IQSEC1: variants seen among roughly 807,000 people sequenced by gnomAD.
IQSEC1 encodes IQ motif and SEC7 domain-containing protein 1.
IQSEC1 carries 31 observed loss-of-function variants against 91.0 expected under a neutral mutation model. The observed-to-expected ratio is 0.34, with a 90% confidence interval of 0.26 to 0.46. IQSEC1 has a LOEUF of 0.46. IQSEC1 is among the 20% of genes least tolerant of loss of function. IQSEC1 has a pLI of 1.00. For missense variants in IQSEC1, 1,388 were observed against 1,575.6 expected (o/e 0.88, Z 2.02); for synonymous variants, 699 against 662.6 (o/e 1.05, Z -0.84).
upstream of IQSEC1, among the ~76,000 whole-genome samples, chr3:13,073,671 A>G (rs578116971): frequency 2.0e-4 from 31 of 152,316 alleles, no homozygotes; most frequent in South Asian, 5.0e-3. Flanking sequence ...CGCCGCGCGG[A>G]GCCTACGATG....
At chr3:13,203,193 ACT>A (rs1412318192) in intron 1 of IQSEC1, among the ~76,000 whole-genome samples, 35 of 141,628 alleles carry the variant, frequency 2.5e-4, no homozygotes, top group Non-Finnish European at 4.3e-4. Context: ...ACACACACAC[ACT>A]CTTATGCTCA....
intron 1 of IQSEC1, among the ~76,000 whole-genome samples, chr3:12,996,430 G>A (rs966475597): frequency 1.3e-5 from 2 of 152,262 alleles, no homozygotes; most frequent in Non-Finnish European, 1.5e-5. Flanking sequence ...ACCCTGCCTC[G>A]CTTCCAAGGC....
intron 2 of IQSEC1, among the ~76,000 whole-genome samples, chr3:13,133,527 T>A (rs1464452219): frequency 6.6e-6 from 1 of 152,166 alleles, no homozygotes; most frequent in African/African-American, 2.4e-5. Context: ...GGTCCTGAGG[T>A]CCAGGGCAGC....
chr3:13,254,937 C>T (rs1695260473), intron 1 of IQSEC1, among the ~76,000 whole-genome samples: 2 of 152,200 alleles, frequency 1.3e-5, no homozygotes, highest in African/African-American at 4.8e-5. Flanking sequence ...TTCCTGCTTC[C>T]CCAGCATCCT....
chr3:13,189,720 C>T (rs59029502), intron 1 of IQSEC1, among the ~76,000 whole-genome samples: 7,552 of 152,262 alleles, frequency 0.05, 226 homozygotes, highest in East Asian at 0.066. Context: ...CTTCCTGCCT[C>T]GCCACTCTAC....
chr3:12,968,331 G>A (rs1700738555), intron 1 of IQSEC1, among the ~76,000 whole-genome samples: 1 of 152,096 alleles, frequency 6.6e-6, no homozygotes, highest in African/African-American at 2.4e-5. Flanking sequence ...ATGGAAAGTT[G>A]CTTCTTTCTC....
At chr3:13,050,985 A>G (rs954492656) in intron 1 of IQSEC1, among the ~76,000 whole-genome samples, 4 of 152,186 alleles carry the variant, frequency 2.6e-5, no homozygotes, top group African/African-American at 9.7e-5. Flanking sequence ...CATTTTATGT[A>G]TGAGGGCACT....
chr3:13,033,182 G>GC (rs1703910779), intron 1 of IQSEC1, among the ~76,000 whole-genome samples: 2 of 152,154 alleles, frequency 1.3e-5, no homozygotes, highest in Non-Finnish European at 2.9e-5. Context: ...CCAAACACCA[G>GC]GCACATAAGC....
chr3:13,206,632 A>G (rs1390347288), intron 1 of IQSEC1, among the ~76,000 whole-genome samples: 1 of 152,222 alleles, frequency 6.6e-6, no homozygotes, highest in Non-Finnish European at 1.5e-5. Context: ...CTTTTTAAAA[A>G]TCGTATGCAT....
chr3:13,163,868 T>C (rs953532148), intron 2 of IQSEC1, among the ~76,000 whole-genome samples: 2 of 151,770 alleles, frequency 1.3e-5, no homozygotes, highest in Non-Finnish European at 2.9e-5. Flanking sequence ...TCTGCAGAGG[T>C]CACTCTAAAC....
chr3:12,924,795 G>GCAC lies in IQSEC1; in HGVS notation c.1569-56_1569-54dup. On this transcript the variant is annotated intron_variant, in intron 3 of 13. Transcript: ENST00000613206. This position sits in a 1 kb window ranked among gnomAD's most constrained non-coding sequence, Gnocchi z 6.3. Reference sequence around the variant, plus strand: ...TCCCAGCTGCCCGGCCACCAGCCAGGCACCTGGAGGGGATCTCCGCTCAGT... The same window carrying GCAC: ...TCCCAGCTGCCCGGCCACCAGCCAGGCACCACCTGGAGGGGATCTCCGCTCAGT... The GCAC allele has an allele frequency of 6.7e-7, 1 of 1,488,698 alleles. No individual in the cohort carries two copies. The highest frequency in any genetic ancestry group is 1.3e-5 in the South Asian group (1 of 75,856). The allele number at this position is 1,488,698 out of a possible 1,614,324, so 92.2% of individuals were successfully genotyped here. A position where few individuals can be genotyped will look rare whatever the true frequency, so the allele number is the denominator to read the frequency against.
At chr3:13,074,249 G>A (rs1474518572), upstream of IQSEC1, among the ~76,000 whole-genome samples, 1 of 152,196 alleles carries the variant, frequency 6.6e-6, no homozygotes, top group African/African-American at 2.4e-5. Context: ...GTGTGGCTGA[G>A]ACTCGGATGA....
intron 1 of IQSEC1, among the ~76,000 whole-genome samples, chr3:12,977,956 G>A (rs1176754654): frequency 6.6e-6 from 1 of 152,230 alleles, no homozygotes; most frequent in African/African-American, 2.4e-5. Context: ...GTGCATTCCT[G>A]AATGTGCTCA....
At chr3:12,974,700 A>G (rs1416760428) in intron 1 of IQSEC1, among the ~76,000 whole-genome samples, 1 of 152,208 alleles carries the variant, frequency 6.6e-6, no homozygotes, top group Non-Finnish European at 1.5e-5. Context: ...ACACACTGCT[A>G]TCACCCTTCC....
Position 12,979,063 on chromosome 3 carries a change from CTGTGAGGG to C in IQSEC1, c.24-37206_24-37199del, listed in dbSNP as rs1701332336. On this transcript the variant is annotated intron_variant, in intron 1 of 13. Transcript: ENST00000613206. The surrounding 1 kb of genome is among the most constrained non-coding windows in gnomAD (Gnocchi z 4.3). ...CAGTGGACCGAGCAGGAGCTTCATC[CTGTGAGGG>C]TGTAAGCAGGAGTGGGAGTGACCTG... Among the ~76,000 whole-genome samples the C allele has an allele frequency of 6.6e-6, 1 of 152,200 alleles. No homozygotes were observed. Among genetic ancestry groups the C allele is most frequent in the Non-Finnish European group, 1.5e-5 (1 of 68,034 alleles).
chr3:13,069,860 T>C (rs1359414607), intron 1 of IQSEC1, among the ~76,000 whole-genome samples: 2 of 152,212 alleles, frequency 1.3e-5, no homozygotes, highest in Non-Finnish European at 2.9e-5. Flanking sequence ...ACCTCAGGTG[T>C]TAGCAAGTTT....
chr3:13,243,812 A>G (rs1695063588), intron 1 of IQSEC1, among the ~76,000 whole-genome samples: 1 of 151,946 alleles, frequency 6.6e-6, no homozygotes, highest in Admixed American at 6.6e-5. Flanking sequence ...CGTATGGCAG[A>G]ATGGGAAGCA....
rs4684896 is a variant in IQSEC1 at position 13,016,910 on chromosome 3, G to T, written c.23+56082C>A. Among the ~76,000 whole-genome samples, 16 of 152,054 alleles carry T rather than the reference G, an allele frequency of 1.1e-4. No individual in the cohort carries two copies. In the South Asian group the frequency reaches 2.9e-3, roughly 28 times the overall value. ...GAACCCCTCCCCAGCCCTGGATCACGGCAAACCTACCTCCCGTCTCTATAG... is the reference window on the plus strand; with the variant it reads ...GAACCCCTCCCCAGCCCTGGATCACTGCAAACCTACCTCCCGTCTCTATAG... On this transcript the variant is annotated intron_variant, in intron 1 of 13. Coordinates refer to ENST00000613206, the MANE Select transcript of IQSEC1 (RefSeq NM_001134382.3).
At chr3:13,125,787 T>C (rs1331059375) in intron 2 of IQSEC1, among the ~76,000 whole-genome samples, 1 of 152,146 alleles carries the variant, frequency 6.6e-6, no homozygotes, top group Non-Finnish European at 1.5e-5. Context: ...CCCTATGCCC[T>C]GGCCAGGAAA....
Sources: allele counts gnomAD v4.1 joint callset (sites outside exome capture counted in the v4.1 genomes callset), GRCh38; gene constraint gnomAD v4.1.1; non-coding constraint Gnocchi (gnomAD v3.1); transcripts MANE v1.5; gene names NCBI Gene and HGNC (gene_info 2026-07-23, HGNC 2026-07-21).